The following STOX2 variants were observed in gnomAD, a reference collection of about 807,000 sequenced individuals.
STOX2 encodes storkhead box 2.
In STOX2, 28 loss-of-function variants were observed where a neutral mutation model predicts 60.9. The observed-to-expected ratio is 0.46, with a 90% CI of 0.34 to 0.63. The LOEUF is 0.63. Among genes scored for constraint, STOX2 ranks in the 30% least tolerant of loss-of-function variants. STOX2 has a pLI of 0.01. For synonymous variants in STOX2, 472 were observed against 463.9 expected (o/e 1.02, Z -0.22); for missense variants, 1,024 against 1,187.7 (o/e 0.86, Z 2.03).
intron 3 of STOX2, chr4:184,015,496 G>A (rs980307060): frequency 4.0e-5 from 5 of 125,362 alleles, no homozygotes; most frequent in Admixed American, 8.1e-5. Flanking sequence ...AAGAAAGTCC[G>A]AGGGTTTGTT....
intron 1 of STOX2, among the ~76,000 whole-genome samples, chr4:183,966,977 G>T (rs1317955141): frequency 6.6e-6 from 1 of 152,140 alleles, no homozygotes; most frequent in Non-Finnish European, 1.5e-5. Context: ...GTTCTTATGA[G>T]AACAAAGTGA....
intron 1 of STOX2, among the ~76,000 whole-genome samples, chr4:183,871,225 C>G (rs1740682481): frequency 6.6e-6 from 1 of 152,202 alleles, no homozygotes; most frequent in Non-Finnish European, 1.5e-5. Context: ...CTGTCTTTCT[C>G]TAACTACTGT....
chr4:183,848,456 A>C (rs1740035686), intron 1 of STOX2, among the ~76,000 whole-genome samples: 1 of 152,188 alleles, frequency 6.6e-6, no homozygotes, highest in Non-Finnish European at 1.5e-5. Flanking sequence ...TAAATAAGTC[A>C]CATGTTCACT....
Position 183,866,873 on chromosome 4 carries a change from T to G in STOX2, c.364+68818T>G, listed in dbSNP as rs116300330. Among the ~76,000 whole-genome samples, 1,377 of 152,294 alleles carry G rather than the reference T, an allele frequency of 9.0e-3. 25 individuals carry two copies. The highest frequency in any genetic ancestry group is 0.032 in the African/African-American group (1,320 of 41,562). ...CAGCCTGAGTAACAGAAGGAGACCC[T>G]GTCTCAAAACAGACAAACAAACAAA... On this transcript the variant is annotated intron_variant, in intron 1 of 2. Coordinates refer to the STOX2 transcript ENST00000513034.
At chr4:183,810,822 C>T (rs1739018221) in intron 1 of STOX2, among the ~76,000 whole-genome samples, 1 of 152,076 alleles carries the variant, frequency 6.6e-6, no homozygotes, top group Non-Finnish European at 1.5e-5. Context: ...CCTCCAGAAC[C>T]ATAAGCCAGA....
intron 1 of STOX2, among the ~76,000 whole-genome samples, chr4:183,917,334 C>A (rs568584776): frequency 1.3e-5 from 2 of 152,346 alleles, no homozygotes; most frequent in East Asian, 3.9e-4. Context: ...GGTAGTTTAG[C>A]TGTAACCACC....
intron 1 of STOX2, among the ~76,000 whole-genome samples, chr4:183,947,115 C>CCT (rs779392858): frequency 2.6e-5 from 4 of 151,970 alleles, no homozygotes; most frequent in Admixed American, 6.6e-5. Flanking sequence ...GAACCAGCTC[C>CCT]CTAAGACAGC....
chr4:183,833,981 C>CAAAAA (rs70959149), intron 1 of STOX2, among the ~76,000 whole-genome samples: 5 of 79,810 alleles, frequency 6.3e-5, no homozygotes, highest in Non-Finnish European at 1.2e-4. Context: ...GACTCCGTCT[C>CAAAAA]AAAAAAAAAA....
intron 1 of STOX2, among the ~76,000 whole-genome samples, chr4:183,860,442 C>CAAAAAAAAAAAAAAAAAAACAAA (rs35753992): frequency 8.2e-6 from 1 of 121,506 alleles, no homozygotes; most frequent in Non-Finnish European, 1.7e-5. Flanking sequence ...AAACAAAAAA[C>CAAAAAAAAAAAAAAAAAAACAAA]AAAAAAAAAA....
At position 183,821,749 on chromosome 4, in the gene STOX2, C is replaced by T. The variant is rs1280155097; in HGVS notation, c.364+23694C>T. ...GAGGGGAGGGGAGGGGTCCCTGCTG[C>T]TCCAGCAGCCTCCCCCTCCACATCC... On this transcript the variant is annotated intron_variant, in intron 1 of 2. Coordinates refer to the STOX2 transcript ENST00000513034. The surrounding 1 kb of genome is among the most constrained non-coding windows in gnomAD (Gnocchi z 4.2). Among the ~76,000 whole-genome samples the T allele has an allele frequency of 6.6e-6, 1 of 152,230 alleles. No homozygotes were observed. The highest frequency in any genetic ancestry group is 1.5e-5 in the Non-Finnish European group (1 of 68,042).
intron 1 of STOX2, among the ~76,000 whole-genome samples, chr4:183,875,777 CCA>C (rs1315399967): frequency 1.3e-5 from 2 of 152,218 alleles, no homozygotes; most frequent in Non-Finnish European, 2.9e-5. Flanking sequence ...GAGTCAAGTG[CCA>C]TGATGGTGGC....
chr4:183,818,828 C>T (rs904459283), intron 1 of STOX2, among the ~76,000 whole-genome samples: 10 of 151,300 alleles, frequency 6.6e-5, no homozygotes, highest in East Asian at 2.0e-4. Context: ...ACCTCCCAGA[C>T]GGGGTCGCGA....
chr4:183,927,312 C>A (rs1316777203), intron 1 of STOX2, among the ~76,000 whole-genome samples: 1 of 152,176 alleles, frequency 6.6e-6, no homozygotes, highest in Non-Finnish European at 1.5e-5. Flanking sequence ...AATAGCAGCA[C>A]CTGCTTCATG....
chr4:183,986,360 G>T (rs1156479195), intron 1 of STOX2, among the ~76,000 whole-genome samples: 3 of 152,206 alleles, frequency 2.0e-5, no homozygotes, highest in African/African-American at 7.2e-5. Flanking sequence ...GTGACAGATA[G>T]TCCAGGACAG....
At chr4:184,004,460 C>T (rs1733735593) in intron 2 of STOX2, among the ~76,000 whole-genome samples, 1 of 152,104 alleles carries the variant, frequency 6.6e-6, no homozygotes. Context: ...ATTAGCCGGG[C>T]TTGGTGGCGG....
chr4:183,899,242 T>G (rs1001051052), intron 1 of STOX2, among the ~76,000 whole-genome samples: 1 of 152,172 alleles, frequency 6.6e-6, no homozygotes, highest in African/African-American at 2.4e-5. Context: ...CTCAACAGTA[T>G]TGAAACTAGG....
At chr4:183,944,491 GGATCAT>G (rs1742835175) in intron 1 of STOX2, among the ~76,000 whole-genome samples, 1 of 152,224 alleles carries the variant, frequency 6.6e-6, no homozygotes, top group African/African-American at 2.4e-5. Context: ...CAAGGTGGGT[GGATCAT>G]GAGGTCAAGA....
At chr4:183,918,941 A>G (rs541986246) in intron 1 of STOX2, among the ~76,000 whole-genome samples, 2 of 152,230 alleles carry the variant, frequency 1.3e-5, no homozygotes, top group Non-Finnish European at 1.5e-5. Flanking sequence ...CCTTCGCTGC[A>G]TCTACCCCCG....
chr4:184,009,156 A>AT lies in STOX2; in HGVS notation c.320-2_320-1insT. 1.7e-6 allele frequency: 1 copy of AT among 581,886 alleles called. No homozygotes were observed. The highest frequency in any genetic ancestry group is 4.5e-5 in the South Asian group (1 of 22,160). 36.0% of individuals were successfully genotyped at this position (581,886 alleles called of 1,614,324 possible). ...AAGTGGTTTTTTTTTTTTTTTTTTCAGGTGTTCCAACGCCAAGCCAAGAAA... is the reference window on the plus strand; with the variant it reads ...AAGTGGTTTTTTTTTTTTTTTTTTCATGGTGTTCCAACGCCAAGCCAAGAAA... On this transcript the variant is annotated splice_acceptor_variant, in intron 2 of 3. Coordinates refer to ENST00000308497, the MANE Select transcript of STOX2 (RefSeq NM_020225.3). LOFTEE classifies it high-confidence loss of function. This position sits in a 1 kb window ranked among gnomAD's most constrained non-coding sequence, Gnocchi z 4.0.
Sources: gnomAD v4.1 joint callset for allele counts (sites outside exome capture counted in the v4.1 genomes callset) on GRCh38, gnomAD v4.1.1 for gene constraint, Gnocchi (gnomAD v3.1) non-coding constraint, MANE v1.5 for transcripts, NCBI Gene and HGNC (gene_info 2026-07-23, HGNC 2026-07-21) for gene names.